Variants in SLC24A4 observed in about 807,000 individuals in gnomAD.
The protein encoded by SLC24A4 is sodium/potassium/calcium exchanger 4.
A neutral mutation model predicts 79.0 loss-of-function variants in SLC24A4; 53 were observed. The observed-to-expected ratio is 0.67, with a 90% confidence interval of 0.54 to 0.84. The LOEUF (loss-of-function observed/expected upper bound fraction) is 0.84. SLC24A4 is among the 40% of genes least tolerant of loss of function. The probability of loss-of-function intolerance (pLI) is 0.00; values close to 1 mark genes in which losing one functional copy is unlikely to be tolerated. For synonymous variants in SLC24A4, 323 were observed against 323.8 expected, an observed-to-expected ratio of 1.00 and a Z score of 0.03; for missense variants, 731 against 822.0, an observed-to-expected ratio of 0.89 and a Z score of 1.35.
chr14:92,414,506 T>C (rs1595243554), intron 2 of SLC24A4, among the ~76,000 whole-genome samples: 1 of 152,152 alleles, frequency 6.6e-6, no homozygotes, highest in Non-Finnish European at 1.5e-5. Flanking sequence ...GAGGCCAAAG[T>C]GGGAGGATCC....
intron 2 of SLC24A4, among the ~76,000 whole-genome samples, chr14:92,394,596 A>ATCCAG: frequency 6.6e-6 from 1 of 152,164 alleles, no homozygotes; most frequent in South Asian, 2.1e-4. Flanking sequence ...CCAGCTGTTA[A>ATCCAG]ATGGCAATCC....
chr14:92,433,751 G>T (rs574946969), intron 2 of SLC24A4, among the ~76,000 whole-genome samples, 161 bp from the exon 3 acceptor site: 12 of 152,278 alleles, frequency 7.9e-5, no homozygotes, highest in African/African-American at 2.2e-4. Flanking sequence ...TTTCCTGAGA[G>T]CACTGGTCTG....
intron 2 of SLC24A4, among the ~76,000 whole-genome samples, chr14:92,419,349 C>A (rs992571115): frequency 6.6e-6 from 1 of 152,180 alleles, no homozygotes; most frequent in African/African-American, 2.4e-5. Flanking sequence ...ATCATCCACC[C>A]TCCTTTGGGT....
chr14:92,464,620 C>A (rs116504313), intron 12 of SLC24A4, among the ~76,000 whole-genome samples: 2 of 152,024 alleles, frequency 1.3e-5, no homozygotes, highest in African/African-American at 4.8e-5. Flanking sequence ...GGAAGGTGGT[C>A]GGTCCAGCCT....
intron 2 of SLC24A4, among the ~76,000 whole-genome samples, chr14:92,426,293 G>A (rs1278020603): frequency 6.6e-6 from 1 of 152,160 alleles, no homozygotes; most frequent in African/African-American, 2.4e-5. Flanking sequence ...CACTCACGGT[G>A]GAAGGTGAAG....
At chr14:92,395,112 C>T (rs913748368) in intron 2 of SLC24A4, among the ~76,000 whole-genome samples, 1 of 152,116 alleles carries the variant, frequency 6.6e-6, no homozygotes, top group Admixed American at 6.6e-5. Flanking sequence ...GAATGTGACC[C>T]CAGAGAGGTT....
intron 2 of SLC24A4, among the ~76,000 whole-genome samples, chr14:92,333,670 G>T (rs1441264803): frequency 2.0e-5 from 3 of 152,248 alleles, no homozygotes; most frequent in Non-Finnish European, 4.4e-5. Flanking sequence ...AGGAGGGTCT[G>T]CAGAGAAAGG....
intron 3 of SLC24A4, 52 bp downstream of exon 3, chr14:92,434,040 CT>C: frequency 2.1e-6 from 3 of 1,412,062 alleles, no homozygotes; most frequent in Non-Finnish European, 3.0e-6. Context: ...TGAAGCCTCT[CT>C]GCACAGCGGG....
At chr14:92,444,130 A>G (rs1038455676) in intron 7 of SLC24A4, among the ~76,000 whole-genome samples, 1 of 152,088 alleles carries the variant, frequency 6.6e-6, no homozygotes, top group African/African-American at 2.4e-5. Flanking sequence ...CACACCCCCC[A>G]AAAAATAGAT....
At chr14:92,344,663 G>A (rs957421125) in intron 2 of SLC24A4, among the ~76,000 whole-genome samples, 1 of 152,176 alleles carries the variant, frequency 6.6e-6, no homozygotes, top group Non-Finnish European at 1.5e-5. Context: ...GATGTCCAGG[G>A]ATGAGGGAGG....
At chr14:92,382,515 A>T (rs1888911276) in intron 2 of SLC24A4, among the ~76,000 whole-genome samples, 1 of 152,214 alleles carries the variant, frequency 6.6e-6, no homozygotes, top group South Asian at 2.1e-4. Context: ...AGATCTTTTT[A>T]GTACTAACAA....
intron 2 of SLC24A4, among the ~76,000 whole-genome samples, chr14:92,327,636 T>A (rs1198064175): frequency 6.6e-6 from 1 of 152,228 alleles, no homozygotes; most frequent in Non-Finnish European, 1.5e-5. Flanking sequence ...GGGCTGGCCA[T>A]GCCCTCCTCT....
In SLC24A4 at chr14:92,403,223, G is replaced by A. The variant is rs145029846; in HGVS notation, c.242-30689G>A. Reference sequence around the variant, plus strand: ...TCAGCAGTAAGTGAGGAAGGGCAGCGTGAATCTTTGGGGAACAGCCTACCT... The same window carrying A: ...TCAGCAGTAAGTGAGGAAGGGCAGCATGAATCTTTGGGGAACAGCCTACCT... On this transcript the variant is annotated intron_variant, in intron 2 of 16. Transcript: ENST00000532405. 2.1e-4 allele frequency among the ~76,000 whole-genome samples: 32 copies of A among 152,242 alleles called. 1 individual carries two copies. Among genetic ancestry groups the A allele is most frequent in the East Asian group, 1.2e-3 (6 of 5,148 alleles).
chr14:92,417,853 T>A (rs768643781), intron 2 of SLC24A4, among the ~76,000 whole-genome samples: 6 of 152,216 alleles, frequency 3.9e-5, no homozygotes, highest in Non-Finnish European at 7.3e-5. Flanking sequence ...AGGTGTGTTG[T>A]AGGCTAGACC....
At chr14:92,437,840 C>A (rs1892260345) in intron 3 of SLC24A4, among the ~76,000 whole-genome samples, 1 of 152,122 alleles carries the variant, frequency 6.6e-6, no homozygotes, top group African/African-American at 2.4e-5. Context: ...TCCTTCTTGG[C>A]TGTTAGGGTT....
chr14:92,372,751 C>G (rs745353600), intron 2 of SLC24A4, among the ~76,000 whole-genome samples: 10 of 152,060 alleles, frequency 6.6e-5, no homozygotes, highest in Non-Finnish European at 1.2e-4. Context: ...GAACTTGTCC[C>G]TCATGTGTCA....
chr14:92,419,521 A>C (rs1229181576), intron 2 of SLC24A4, among the ~76,000 whole-genome samples: 1 of 152,196 alleles, frequency 6.6e-6, no homozygotes, highest in Non-Finnish European at 1.5e-5. Context: ...GGCTACTTTG[A>C]CATCTCCTGG....
At position 92,493,483 on chromosome 14, in the gene SLC24A4, G is replaced by T; in HGVS notation, c.1724G>T (p.Gly575Val). 6.2e-7 allele frequency: 1 copy of T among 1,614,146 alleles called. No individual in the cohort carries two copies. Among genetic ancestry groups the T allele is most frequent in the South Asian group, 1.1e-5 (1 of 91,082 alleles). ...CACACTCTGTCCTCCCAGGTCCTCG[G>T]CATCCACCTAAACAAGTGGCGACTG... ...LLGSVALTVLGIHLNKWRLDR... is the reference protein window; with the variant it reads ...LLGSVALTVLVIHLNKWRLDR... Residue 575 changes from glycine (G) to valine (V), a missense_variant, in exon 17 of 17, where the codon GGC becomes GTC. By Grantham distance (109) the Gly-to-Val change is moderately radical. Coordinates refer to ENST00000532405, the MANE Select transcript of SLC24A4 (RefSeq NM_153646.4).
chr14:92,352,856 A>G (rs1171111459), intron 2 of SLC24A4, among the ~76,000 whole-genome samples: 1 of 152,216 alleles, frequency 6.6e-6, no homozygotes, highest in East Asian at 1.9e-4. Context: ...AGTTAATCAA[A>G]CAGGAAATGC....
Sources: gnomAD v4.1 joint callset for allele counts (sites outside exome capture counted in the v4.1 genomes callset) on GRCh38, gnomAD v4.1.1 for gene constraint, MANE v1.5 for transcripts, NCBI Gene and HGNC (gene_info 2026-07-23, HGNC 2026-07-21) for gene names.